Variants in MED27 observed in about 807,000 individuals in gnomAD.
MED27 encodes the protein mediator of RNA polymerase II transcription subunit 27.
Under a neutral mutation model 38.2 loss-of-function variants are expected in MED27, and 30 were observed. The observed-to-expected ratio is 0.79, with a 90% CI of 0.59 to 1.07. The LOEUF is 1.07. Ranked by LOEUF, MED27 falls within the 50% of genes least tolerant of loss-of-function variation. MED27 has a pLI of 0.00. For synonymous variants in MED27, 122 were observed against 153.5 expected, an observed-to-expected ratio of 0.79 and a Z score of 1.52; for missense variants, 289 against 397.5, an observed-to-expected ratio of 0.73 and a Z score of 2.32.
rs899174756 is a variant in MED27 at position 131,971,550 on chromosome 9, T to C, written c.480-32076A>G. ...GTGAAATGTTGCTCTGGCTGCTTTATGTAGAGGCCAGAGTAGAAGCAGAGT... is the reference window on the plus strand; with the variant it reads ...GTGAAATGTTGCTCTGGCTGCTTTACGTAGAGGCCAGAGTAGAAGCAGAGT... On this transcript the variant is annotated intron_variant, in intron 3 of 7. Transcript: ENST00000292035. Among the ~76,000 whole-genome samples the C allele has an allele frequency of 3.3e-5, 5 of 152,332 alleles. No homozygotes were observed. In the South Asian group the frequency reaches 6.2e-4, roughly 19 times the overall value.
chr9:131,860,733 CT>C lies in MED27; in HGVS notation c.802-62del, dbSNP rs1838639175. Reference sequence around the variant, plus strand: ...GGATACGGGTGCTCCCAAAGTCCTCCTTCCTATCAAGCCTAATGGCCCAGAC... The same window carrying C: ...GGATACGGGTGCTCCCAAAGTCCTCCTCCTATCAAGCCTAATGGCCCAGAC... On this transcript the variant is annotated intron_variant, in intron 7 of 7. Coordinates refer to ENST00000292035, the MANE Select transcript of MED27 (RefSeq NM_004269.4). This position sits in a 1 kb window ranked among gnomAD's most constrained non-coding sequence, Gnocchi z 5.8. 5.7e-6 allele frequency: 9 copies of C among 1,582,472 alleles called. No individual in the cohort carries two copies. Among genetic ancestry groups the C allele is most frequent in the Non-Finnish European group, 6.9e-6 (8 of 1,161,456 alleles).
rs1437647866 is a variant in MED27, at chr9:132,056,953, T to A, written c.348+20489A>T. On this transcript the variant is annotated intron_variant, in intron 2 of 7. Transcript: ENST00000292035. ...CATCGTGCCCTGACAAGTACACCCA[T>A]CTGCAGACAGCAAAGCCTGATAGAG... Among the ~76,000 whole-genome samples, 4 of 152,088 alleles carry A rather than the reference T, an allele frequency of 2.6e-5. 1 individual carries two copies. Among genetic ancestry groups the A allele is most frequent in the African/African-American group, 9.7e-5 (4 of 41,414 alleles).
chr9:131,988,382 G>A (rs1023133086), intron 3 of MED27, among the ~76,000 whole-genome samples: 1 of 152,144 alleles, frequency 6.6e-6, no homozygotes, highest in Non-Finnish European at 1.5e-5. Flanking sequence ...AACCGCATGA[G>A]TCCACTTATA....
At chr9:132,035,157 T>C (rs1833047365) in intron 2 of MED27, among the ~76,000 whole-genome samples, 1 of 152,106 alleles carries the variant, frequency 6.6e-6, no homozygotes. Flanking sequence ...GAAGGAGGCT[T>C]AGAGAAGCTG....
At chr9:131,867,096 G>A (rs111903590) in intron 6 of MED27, among the ~76,000 whole-genome samples, 2,111 of 152,248 alleles carry the variant, frequency 0.014, 38 homozygotes, top group African/African-American at 0.048. Context: ...TGTTTGTTTC[G>A]TGTCAATTTC....
At chr9:131,899,898 C>T (rs1052904889) in intron 4 of MED27, among the ~76,000 whole-genome samples, 4 of 152,236 alleles carry the variant, frequency 2.6e-5, no homozygotes, top group Non-Finnish European at 5.9e-5. Context: ...GGGCATCTTT[C>T]CACAAACTAG....
intron 2 of MED27, among the ~76,000 whole-genome samples, chr9:132,049,635 C>A (rs1833417960): frequency 6.6e-6 from 1 of 152,168 alleles, no homozygotes; most frequent in Non-Finnish European, 1.5e-5. Context: ...AGCCGGGAAA[C>A]CAGCACAGAG....
intron 3 of MED27, among the ~76,000 whole-genome samples, chr9:131,955,678 C>A (rs113865831): frequency 6.6e-6 from 1 of 152,194 alleles, no homozygotes; most frequent in Non-Finnish European, 1.5e-5. Flanking sequence ...ATATAACTGA[C>A]ATGAGAAGAA....
chr9:131,908,398 G>A (rs1207014976), intron 4 of MED27, among the ~76,000 whole-genome samples: 1 of 152,244 alleles, frequency 6.6e-6, no homozygotes, highest in Non-Finnish European at 1.5e-5. Context: ...CATTGAGAAC[G>A]GGCCAGCATG....
rs2131127594 is a variant in MED27 at position 132,045,761 on chromosome 9, C to T, written c.349-31294G>A. ...TTCTTTGCTGCCCAGCTAAAACACT[C>T]TGTTTCTCAACAACCCTTGCAGCGA... is the stretch of plus-strand genomic sequence containing the variant. On this transcript the variant is annotated intron_variant, in intron 2 of 7. Coordinates refer to ENST00000292035, the MANE Select transcript of MED27 (RefSeq NM_004269.4). Among the ~76,000 whole-genome samples, 3 of 152,356 alleles carry T rather than the reference C, an allele frequency of 2.0e-5. No homozygotes were observed. The South Asian group carries it at 6.2e-4, about 32-fold the overall frequency.
intron 2 of MED27, among the ~76,000 whole-genome samples, chr9:132,016,285 C>G (rs1832600773): frequency 6.6e-6 from 1 of 152,182 alleles, no homozygotes; most frequent in Non-Finnish European, 1.5e-5. Context: ...ACAGAAGTAT[C>G]TGTGTTTGGA....
intron 5 of MED27, among the ~76,000 whole-genome samples, chr9:131,888,904 A>G (rs187886776): frequency 3.3e-5 from 5 of 152,336 alleles, no homozygotes; most frequent in Admixed American, 6.5e-5. Flanking sequence ...TTCACTTTCA[A>G]TCAGGACATG....
intron 3 of MED27, among the ~76,000 whole-genome samples, chr9:131,971,149 T>C (rs991164029): frequency 6.6e-6 from 1 of 152,260 alleles, no homozygotes; most frequent in Non-Finnish European, 1.5e-5. Flanking sequence ...GTTGGTGATT[T>C]GGGATTTGGG....
At chr9:132,049,325 T>C (rs928969812) in intron 2 of MED27, among the ~76,000 whole-genome samples, 19 of 151,786 alleles carry the variant, frequency 1.3e-4, no homozygotes, top group African/African-American at 4.3e-4. Flanking sequence ...TACACAAGAG[T>C]GATGGAGAGA....
chr9:132,049,350 T>G (rs1420600219), intron 2 of MED27, among the ~76,000 whole-genome samples: 2 of 152,144 alleles, frequency 1.3e-5, no homozygotes, highest in African/African-American at 2.4e-5. Flanking sequence ...ACTGGTAATC[T>G]TACTTAATCC....
intron 3 of MED27, among the ~76,000 whole-genome samples, chr9:132,011,024 A>G (rs1294029805): frequency 6.6e-6 from 1 of 152,188 alleles, no homozygotes; most frequent in Non-Finnish European, 1.5e-5. Flanking sequence ...TAGAACTTAA[A>G]GTATAATAAA....
intron 4 of MED27, 41 bp downstream of exon 4, chr9:131,939,340 T>C: frequency 2.1e-6 from 3 of 1,411,034 alleles, no homozygotes; most frequent in Non-Finnish European, 2.9e-6. Context: ...AAGTCCATTT[T>C]TTCCCCCAAC....
chr9:131,964,636 G>C (rs1831302250), intron 3 of MED27, among the ~76,000 whole-genome samples: 1 of 152,138 alleles, frequency 6.6e-6, no homozygotes, highest in African/African-American at 2.4e-5. Context: ...TTGGATTGGT[G>C]ATATTGATAC....
chr9:131,933,258 G>C (rs562236093), intron 4 of MED27, among the ~76,000 whole-genome samples: 13 of 152,130 alleles, frequency 8.5e-5, no homozygotes, highest in Middle Eastern at 6.8e-3. Flanking sequence ...GTCCTAGCTA[G>C]AGCAATCAGA....
Sources: gnomAD v4.1 joint callset for allele counts (sites outside exome capture counted in the v4.1 genomes callset) on GRCh38, gnomAD v4.1.1 for gene constraint, Gnocchi (gnomAD v3.1) non-coding constraint, MANE v1.5 for transcripts, NCBI Gene and HGNC (gene_info 2026-07-23, HGNC 2026-07-21) for gene names.